ZNF449: variants seen among roughly 807,000 people sequenced by gnomAD.
ZNF449 encodes the protein zinc finger and SCAN domain-containing protein 19.
ZNF449 carries 4 observed loss-of-function variants against 32.6 expected under a neutral mutation model. The observed-to-expected ratio is 0.12, with a 90% CI of 0.06 to 0.28. The LOEUF (loss-of-function observed/expected upper bound fraction) is 0.28. ZNF449 is among the 10% of genes least tolerant of loss of function. ZNF449 has a pLI of 1.00. For missense variants in ZNF449, 275 were observed against 383.2 expected (o/e 0.72, Z 2.36); for synonymous variants, 123 against 132.2 (o/e 0.93, Z 0.48).
chrX:135,359,839 G>A (rs1447964263), intron 3 of ZNF449, 53 bp from the exon 4 acceptor site: 60 of 893,140 alleles, frequency 6.7e-5, no homozygotes, highest in Non-Finnish European at 9.0e-5. Context: ...CTAAATTTTG[G>A]AAAAACCTTT....
At chrX:135,352,503 T>C (rs782342819) in intron 3 of ZNF449, among the ~76,000 whole-genome samples, 1 of 112,041 alleles carries the variant, frequency 8.9e-6, no homozygotes, top group East Asian at 2.8e-4. Context: ...TTTGAAAATA[T>C]GGAGTTCAAA....
At chrX:135,355,226 A>G (rs959855055) in intron 3 of ZNF449, among the ~76,000 whole-genome samples, 1 of 109,763 alleles carries the variant, frequency 9.1e-6, no homozygotes, top group Non-Finnish European at 1.9e-5. Flanking sequence ...TAGTAGGTGT[A>G]TATATTTATG....
In ZNF449 at chrX:135,362,702, G is replaced by A. The variant is rs1350150311; in HGVS notation, c.*1626G>A. The A allele has an allele frequency of 1.8e-5, 2 of 111,848 alleles. No homozygotes were observed. The highest frequency in any genetic ancestry group is 3.8e-5 in the Non-Finnish European group (2 of 53,097). The allele number at this position is 111,848 out of a possible 1,213,427, so 9.2% of individuals were successfully genotyped here. On this transcript the variant is annotated 3_prime_UTR_variant, in exon 5 of 5. Transcript: ENST00000339249. ...CTCGAGAGTGATATAAATACTTTGG[G>A]GGGTATCTACTATGTGCCTAACTAG...
intron 3 of ZNF449, 143 bp from the exon 4 acceptor site, chrX:135,359,749 C>A: frequency 2.6e-6 from 1 of 389,303 alleles, no homozygotes; most frequent in Non-Finnish European, 4.6e-6. Context: ...AAAGAAAAGA[C>A]TGTTGTAAGA....
chrX:135,359,755 T>C lies in ZNF449; in HGVS notation c.560-137T>C, dbSNP rs2084935402. ...TTATCTTTTAAAGAAAAGACTGTTG[T>C]AAGAGACTCAGGTGAAGTAATAGTA... On this transcript the variant is annotated intron_variant, in intron 3 of 4. Coordinates refer to ENST00000339249, the MANE Select transcript of ZNF449 (RefSeq NM_152695.6). The C allele has an allele frequency of 1.4e-5, 6 of 419,250 alleles. No individual in the cohort carries two copies. In the East Asian group the frequency reaches 2.7e-4, roughly 19 times the overall value. The allele number at this position is 419,250 out of a possible 1,213,427, so 34.6% of individuals were successfully genotyped here.
chrX:135,350,974 C>T (rs899664094), intron 3 of ZNF449, among the ~76,000 whole-genome samples: 7 of 111,055 alleles, frequency 6.3e-5, no homozygotes, highest in Non-Finnish European at 1.3e-4. Context: ...CCTCCTGCTG[C>T]AGTGCAAGGG....
chrX:135,361,096 G>A lies in ZNF449; in HGVS notation c.*20G>A, dbSNP rs978230868. Reference sequence around the variant, plus strand: ...ATTTAAGAATTGCTAAGGGAAACAGGTCTTACACAAATTGACACTAACTCA... The same window carrying A: ...ATTTAAGAATTGCTAAGGGAAACAGATCTTACACAAATTGACACTAACTCA... On this transcript the variant is annotated 3_prime_UTR_variant, in exon 5 of 5. Transcript: ENST00000339249. 4 of 1,120,037 alleles carry A rather than the reference G, an allele frequency of 3.6e-6. No homozygotes were observed. The African/African-American group carries it at 7.4e-5, about 21-fold the overall frequency. 92.3% of individuals were successfully genotyped at this position (1,120,037 alleles called of 1,213,427 possible). A position where few individuals can be genotyped will look rare whatever the true frequency, so the allele number is the denominator to read the frequency against.
intron 3 of ZNF449, among the ~76,000 whole-genome samples, chrX:135,354,505 A>G (rs1387541066): frequency 8.9e-6 from 1 of 112,131 alleles, no homozygotes; most frequent in African/African-American, 3.2e-5. Context: ...GTATCTGAAT[A>G]TTACTCAGGA....
At position 135,361,049 on chromosome X, in the gene ZNF449, G is replaced by A. The variant is rs375730182; in HGVS notation, c.1530G>A (p.Gln510=). The A allele has an allele frequency of 7.6e-6, 9 of 1,187,451 alleles. No individual in the cohort carries two copies. In the African/African-American group the frequency reaches 1.1e-4, roughly 14 times the overall value. The change falls in exon 5 of 5, where the codon CAG becomes CAA. Residue 510 remains glutamine (Q), a synonymous_variant. Transcript: ENST00000339249. ...AGAGAGCCGGCCTTATTATGCACCA[G>A]GTCACTCACTTTAGAGGACTTATTT... ...FRQRAGLIMH[Q]VTHFRGLI
At chrX:135,347,715 T>C (rs2084857308) in intron 2 of ZNF449, 1 of 1,035,979 alleles carries the variant, frequency 9.7e-7, no homozygotes, top group Admixed American at 3.8e-5. Flanking sequence ...ATGAAATTGA[T>C]AGACAACATA....
At chrX:135,354,231 C>T (rs2084903917) in intron 3 of ZNF449, among the ~76,000 whole-genome samples, 1 of 112,529 alleles carries the variant, frequency 8.9e-6, no homozygotes, top group Admixed American at 9.4e-5. Context: ...CTCATCTTCA[C>T]TTATCTTTGC....
At chrX:135,345,936 CAAGAACATTTTGATGTTTTT>C (rs1441516480) in intron 1 of ZNF449, among the ~76,000 whole-genome samples, 13 of 111,830 alleles carry the variant, frequency 1.2e-4, no homozygotes, top group African/African-American at 4.2e-4. Context: ...AAGACTATAC[CAAGAACATTTTGATGTTTTT>C]AGACCTTTTG....
intron 2 of ZNF449, chrX:135,348,690 C>A: frequency 1.1e-6 from 1 of 928,201 alleles, no homozygotes; most frequent in African/African-American, 2.1e-5. Flanking sequence ...TTGGTGGTTG[C>A]CCTTCCTTTC....
rs1360720862 is a variant in ZNF449, at chrX:135,361,233, T to C, written c.*157T>C. On this transcript the variant is annotated 3_prime_UTR_variant, in exon 5 of 5. Coordinates refer to ENST00000339249, the MANE Select transcript of ZNF449 (RefSeq NM_152695.6). ...GTTTTAAAACCCATCTTCCAAGGTA[T>C]ATGAATTCTAGAGTATTTATCTACT... The C allele has an allele frequency of 7.6e-6, 3 of 393,344 alleles. No homozygotes were observed. Among genetic ancestry groups the C allele is most frequent in the Non-Finnish European group, 1.3e-5 (3 of 237,644 alleles). The allele number at this position is 393,344 out of a possible 1,213,427, so 32.4% of individuals were successfully genotyped here.
At chrX:135,347,814 T>C (rs896601492) in intron 2 of ZNF449, 2 of 473,095 alleles carry the variant, frequency 4.2e-6, no homozygotes, top group African/African-American at 4.8e-5. Context: ...ATCTGTATAC[T>C]CTGTATGTAA....
chrX:135,357,450 G>T (rs2084924039), intron 3 of ZNF449, among the ~76,000 whole-genome samples: 1 of 111,093 alleles, frequency 9.0e-6, no homozygotes, highest in Non-Finnish European at 1.9e-5. Context: ...TTGACCACAG[G>T]ACAGGTATAT....
At chrX:135,359,635 TTA>T (rs1234975603) in intron 3 of ZNF449, among the ~76,000 whole-genome samples, 20 of 112,065 alleles carry the variant, frequency 1.8e-4, no homozygotes, top group African/African-American at 6.1e-4. Context: ...CTGAAATGAT[TTA>T]GTGCATTGAT....
intron 3 of ZNF449, among the ~76,000 whole-genome samples, chrX:135,356,976 G>A (rs1309589990): frequency 9.0e-6 from 1 of 110,913 alleles, no homozygotes; most frequent in Admixed American, 9.6e-5. Flanking sequence ...GCCTGTAAGT[G>A]TATTTGTGTA....
intron 3 of ZNF449, among the ~76,000 whole-genome samples, chrX:135,354,314 G>T: frequency 8.9e-6 from 1 of 112,179 alleles, no homozygotes. Context: ...AACCCTTTCA[G>T]TAAGTGTCAG....
Sources: gnomAD v4.1 joint callset for allele counts (sites outside exome capture counted in the v4.1 genomes callset) on GRCh38, gnomAD v4.1.1 for gene constraint, MANE v1.5 for transcripts, NCBI Gene and HGNC (gene_info 2026-07-23, HGNC 2026-07-21) for gene names.